Variants in HDGFL3 observed in about 807,000 individuals in gnomAD.
The protein encoded by HDGFL3 is HDGF like 3.
Under a neutral mutation model 27.6 loss-of-function variants are expected in HDGFL3, and 6 were observed. That is an observed-to-expected ratio of 0.22 (90% CI 0.12 to 0.43). HDGFL3 has a LOEUF of 0.43. Among genes scored for constraint, HDGFL3 ranks in the 20% least tolerant of loss-of-function variants. The pLI is 1.00. For missense variants in HDGFL3, 207 were observed against 250.1 expected, an observed-to-expected ratio of 0.83 and a Z score of 1.16; for synonymous variants, 88 against 88.9, an observed-to-expected ratio of 0.99 and a Z score of 0.05.
At chr15:83,202,245 T>C (rs2037656534) in intron 1 of HDGFL3, among the ~76,000 whole-genome samples, 1 of 152,178 alleles carries the variant, frequency 6.6e-6, no homozygotes. Flanking sequence ...GTGCCTTACA[T>C]ACAGTAGGTG....
chr15:83,151,541 C>CA (rs1345032674), intron 4 of HDGFL3, among the ~76,000 whole-genome samples, 180 bp from the exon 5 acceptor site: 3 of 152,196 alleles, frequency 2.0e-5, no homozygotes, highest in Non-Finnish European at 4.4e-5. Flanking sequence ...CATTTCACCT[C>CA]ATTGGACCTC....
At chr15:83,196,172 TA>T (rs1354319550) in intron 1 of HDGFL3, among the ~76,000 whole-genome samples, 2 of 151,728 alleles carry the variant, frequency 1.3e-5, no homozygotes, top group African/African-American at 2.4e-5. Flanking sequence ...TTAAAAAATA[TA>T]TTAGTAAATA....
intron 1 of HDGFL3, among the ~76,000 whole-genome samples, chr15:83,167,224 C>T (rs1420270861): frequency 6.6e-6 from 1 of 152,110 alleles, no homozygotes; most frequent in Non-Finnish European, 1.5e-5. Flanking sequence ...AGTTGCTGTA[C>T]TTAGATAAAA....
At chr15:83,145,836 C>G (rs1352102722) in intron 5 of HDGFL3, among the ~76,000 whole-genome samples, 2 of 150,252 alleles carry the variant, frequency 1.3e-5, no homozygotes, top group African/African-American at 4.9e-5. Context: ...CTACCTCAGT[C>G]ACTCGCTCCC....
In HDGFL3 at chr15:83,206,113, A is replaced by C. The variant is rs2037711989; in HGVS notation, c.84+1218T>G. On this transcript the variant is annotated intron_variant, in intron 1 of 5. Coordinates refer to ENST00000299633, the MANE Select transcript of HDGFL3 (RefSeq NM_016073.4). ...TGGCCTAGTGTTCTTTCCATTTGAC[A>C]ATCATGCCAAACCAAATATTTAAAA... Among the ~76,000 whole-genome samples the C allele has an allele frequency of 3.9e-5, 6 of 152,226 alleles. No individual in the cohort carries two copies. In the South Asian group the frequency reaches 1.2e-3, roughly 32 times the overall value.
At chr15:83,144,694 G>A in intron 5 of HDGFL3, 1 of 361,166 alleles carries the variant, frequency 2.8e-6, no homozygotes, top group South Asian at 2.1e-5. Context: ...ATCCCCAGTT[G>A]AGCCTTAAGA....
chr15:83,188,645 T>C (rs1300969917), intron 1 of HDGFL3, among the ~76,000 whole-genome samples: 1 of 152,226 alleles, frequency 6.6e-6, no homozygotes, highest in Non-Finnish European at 1.5e-5. Context: ...GATTCCAGGA[T>C]GCCATAGTCT....
intron 1 of HDGFL3, among the ~76,000 whole-genome samples, chr15:83,197,199 G>A (rs2037581091): frequency 6.6e-6 from 1 of 152,136 alleles, no homozygotes; most frequent in African/African-American, 2.4e-5. Context: ...GTGCTGAGCT[G>A]GAGAACAGCC....
intron 5 of HDGFL3, among the ~76,000 whole-genome samples, chr15:83,140,395 C>G (rs2036743950): frequency 6.6e-6 from 1 of 151,798 alleles, no homozygotes; most frequent in Non-Finnish European, 1.5e-5. Flanking sequence ...AGATTATACT[C>G]ACAGATACTT....
chr15:83,169,771 G>C (rs2037222763), intron 1 of HDGFL3, among the ~76,000 whole-genome samples: 1 of 152,142 alleles, frequency 6.6e-6, no homozygotes, highest in Non-Finnish European at 1.5e-5. Flanking sequence ...CTGTACTCCA[G>C]CCTGGGTGAC....
chr15:83,181,961 A>T (rs2151416572), intron 1 of HDGFL3, among the ~76,000 whole-genome samples: 1 of 152,336 alleles, frequency 6.6e-6, no homozygotes, highest in East Asian at 1.9e-4. Context: ...TAAAACTTAA[A>T]TGCAGTAAAA....
intron 1 of HDGFL3, among the ~76,000 whole-genome samples, chr15:83,193,435 T>A (rs1005060569): frequency 2.0e-5 from 3 of 152,062 alleles, no homozygotes; most frequent in Non-Finnish European, 4.4e-5. Flanking sequence ...AAAATAAGCA[T>A]CGGCGAGGAA....
intron 1 of HDGFL3, chr15:83,185,907 C>T (rs2037435623): frequency 1.3e-5 from 2 of 152,278 alleles, no homozygotes; most frequent in African/African-American, 4.8e-5. Context: ...CTGACTCTTG[C>T]TCTCTTGCTT....
chr15:83,122,041 A>T (rs2151362740), intron 3 of HDGFL3: 1 of 1,478,964 alleles, frequency 6.8e-7, no homozygotes. Flanking sequence ...TTCCTTTTCT[A>T]AAACAATGGG....
At chr15:83,141,302 T>C (rs1337468864) in intron 5 of HDGFL3, among the ~76,000 whole-genome samples, 1 of 152,102 alleles carries the variant, frequency 6.6e-6, no homozygotes, top group Non-Finnish European at 1.5e-5. Context: ...TGAGGCACAC[T>C]GAGAGGCTAT....
At chr15:83,177,601 C>T (rs1008364553) in intron 1 of HDGFL3, among the ~76,000 whole-genome samples, 1 of 152,142 alleles carries the variant, frequency 6.6e-6, no homozygotes, top group African/African-American at 2.4e-5. Flanking sequence ...CTTCAAGACC[C>T]TACACTAACA....
chr15:83,150,627 A>G (rs1221207343), intron 5 of HDGFL3, among the ~76,000 whole-genome samples: 1 of 152,190 alleles, frequency 6.6e-6, no homozygotes, highest in African/African-American at 2.4e-5. Context: ...ACTCATGGAA[A>G]ATGCATGGGG....
intron 3 of HDGFL3, among the ~76,000 whole-genome samples, chr15:83,121,745 G>A (rs2035269595): frequency 6.6e-6 from 1 of 152,152 alleles, no homozygotes; most frequent in African/African-American, 2.4e-5. Flanking sequence ...TATATCACAT[G>A]GCAATGAAGT....
chr15:83,181,439 T>C (rs756280621), intron 1 of HDGFL3, among the ~76,000 whole-genome samples: 9 of 152,226 alleles, frequency 5.9e-5, no homozygotes, highest in Non-Finnish European at 1.3e-4. Context: ...ATTTATGATC[T>C]TCATTTAAAC....
Sources: allele counts gnomAD v4.1 joint callset (sites outside exome capture counted in the v4.1 genomes callset), GRCh38; gene constraint gnomAD v4.1.1; transcripts MANE v1.5; gene names NCBI Gene and HGNC (gene_info 2026-07-23, HGNC 2026-07-21).